The following CMC2 variants were observed in gnomAD, a reference collection of about 807,000 sequenced individuals.
CMC2 encodes the protein C-X9-C motif containing 2.
Under a neutral mutation model 7.5 loss-of-function variants are expected in CMC2, and 5 were observed. The observed-to-expected ratio is 0.66, with a 90% CI of 0.35 to 1.40. The LOEUF (loss-of-function observed/expected upper bound fraction) is 1.40. Among genes scored for constraint, CMC2 ranks in the 40% most tolerant of loss-of-function variants. The pLI is 0.04. For synonymous variants in CMC2, 37 were observed against 31.4 expected (o/e 1.18, Z -0.60); for missense variants, 115 against 92.3 (o/e 1.25, Z -1.01).
At position 80,966,870 on chromosome 16, in the gene CMC2, T is replaced by C. The variant is rs1019539867; in HGVS notation, c.*9223A>G. The C allele has an allele frequency of 1.3e-5, 2 of 149,936 alleles. No individual in the cohort carries two copies. The highest frequency in any genetic ancestry group is 5.0e-5 in the African/African-American group (2 of 39,720). The allele number at this position is 149,936 out of a possible 1,614,324, so 9.3% of individuals were successfully genotyped here. ...CATTCCTTTGTATAGATTCATGGTA[T>C]ACCTTTGTGTAAATGCATCATTGTT... On this transcript the variant is annotated 3_prime_UTR_variant, in exon 4 of 4. Transcript: ENST00000219400.
At chr16:81,005,298 G>C (rs1053945556) in intron 1 of CMC2, among the ~76,000 whole-genome samples, 3 of 152,134 alleles carry the variant, frequency 2.0e-5, no homozygotes, top group Admixed American at 6.5e-5. Context: ...TGTAACCCTA[G>C]CTACTCAGGA....
At chr16:80,990,107 C>CTT (rs36083108) in intron 2 of CMC2, among the ~76,000 whole-genome samples, 98,233 of 151,152 alleles carry the variant, frequency 0.65, 33,659 homozygotes, top group South Asian at 0.8. Flanking sequence ...ATTCCCTCCC[C>CTT]TTTTTTTGAG....
chr16:80,993,010 T>C (rs1968128530), intron 2 of CMC2, among the ~76,000 whole-genome samples: 1 of 152,186 alleles, frequency 6.6e-6, no homozygotes, highest in South Asian at 2.1e-4. Flanking sequence ...ACCTAGGTTA[T>C]ATAAGAATTT....
intron 2 of CMC2, chr16:80,996,982 A>C: frequency 2.2e-6 from 1 of 460,448 alleles, no homozygotes; most frequent in Non-Finnish European, 4.2e-6. Flanking sequence ...TTCCATTATA[A>C]TCAGAAGTGT....
At chr16:80,990,163 C>T (rs961640972) in intron 2 of CMC2, among the ~76,000 whole-genome samples, 1 of 150,606 alleles carries the variant, frequency 6.6e-6, no homozygotes, top group African/African-American at 2.5e-5. Flanking sequence ...TTATACAAAA[C>T]ATATAATTTT....
chr16:80,986,215 G>T (rs1967521628), intron 2 of CMC2, among the ~76,000 whole-genome samples: 1 of 152,094 alleles, frequency 6.6e-6, no homozygotes, highest in Non-Finnish European at 1.5e-5. Context: ...CAGGCATAAT[G>T]GCCTGGTACC....
At chr16:80,980,890 AG>A in intron 3 of CMC2, 1 of 696,508 alleles carries the variant, frequency 1.4e-6, no homozygotes, top group African/African-American at 1.8e-5. Context: ...CTGTCTCAAA[AG>A]AAAAAAGAAA....
At chr16:80,989,088 G>C (rs142667880) in intron 2 of CMC2, among the ~76,000 whole-genome samples, 16 of 152,102 alleles carry the variant, frequency 1.1e-4, no homozygotes, top group African/African-American at 3.9e-4. Context: ...TTATTACCTA[G>C]GTAAGAAGCT....
chr16:80,973,784 C>G lies in CMC2; in HGVS notation c.*2309G>C, dbSNP rs1912093739. 1.3e-5 allele frequency: 2 copies of G among 152,136 alleles called. No homozygotes were observed. The highest frequency in any genetic ancestry group is 2.9e-5 in the Non-Finnish European group (2 of 68,046). 9.4% of individuals were successfully genotyped at this position (152,136 alleles called of 1,614,324 possible). ...CTGGAAAGGTAGATCATTGCCATAG[C>G]CTTCAGTGTGTACTTTACTCTACAG... is the stretch of plus-strand genomic sequence containing the variant. On this transcript the variant is annotated 3_prime_UTR_variant, in exon 4 of 4. Coordinates refer to ENST00000219400, the MANE Select transcript of CMC2 (RefSeq NM_020188.5).
chr16:80,978,072 C>CAAAAAAAA (rs57080796), intron 3 of CMC2, among the ~76,000 whole-genome samples: 22,441 of 143,694 alleles, frequency 0.16, 2,045 homozygotes, highest in African/African-American at 0.28. Context: ...GACTTCGTCT[C>CAAAAAAAA]AAAAAAAAAG....
At chr16:81,005,023 T>C (rs1017163171) in intron 1 of CMC2, among the ~76,000 whole-genome samples, 2 of 152,250 alleles carry the variant, frequency 1.3e-5, no homozygotes, top group African/African-American at 4.8e-5. Flanking sequence ...CAGTTGTAAT[T>C]TCTAATGCTA....
At chr16:80,993,759 T>C (rs1421014060) in intron 2 of CMC2, among the ~76,000 whole-genome samples, 1 of 152,118 alleles carries the variant, frequency 6.6e-6, no homozygotes, top group Non-Finnish European at 1.5e-5. Flanking sequence ...TGCCTGCTGA[T>C]ACAAAAGATA....
chr16:80,981,862 A>G lies in CMC2; in HGVS notation c.97T>C (p.Phe33Leu), dbSNP rs761117497. 6.2e-7 allele frequency: 1 copy of G among 1,609,368 alleles called. No individual in the cohort carries two copies. The highest frequency in any genetic ancestry group is 1.1e-5 in the South Asian group (1 of 90,572). Residue 33 changes from phenylalanine to leucine, a missense_variant, in exon 3 of 4, where the codon TTT becomes CTT. Physicochemically the swap from Phe to Leu is conservative, Grantham distance 22. Transcript: ENST00000219400. ...TCAACATCATTACAATAACCAAAAA[A>G]TTTCAGAATGTTGTGCTAAAAGGAA... ...ECHKNHNILK[F>L]FGYCNDVDRE...
intron 1 of CMC2, among the ~76,000 whole-genome samples, chr16:81,005,953 G>A (rs1210549564): frequency 1.3e-5 from 2 of 152,190 alleles, no homozygotes; most frequent in Non-Finnish European, 2.9e-5. Context: ...AGGCCTCAAC[G>A]CAGTAGGAAA....
chr16:81,000,226 G>C (rs1001372498), intron 1 of CMC2, among the ~76,000 whole-genome samples: 5 of 152,110 alleles, frequency 3.3e-5, no homozygotes, highest in Non-Finnish European at 7.3e-5. Flanking sequence ...GGCTGGGCAC[G>C]GTAGCTCACA....
intron 1 of CMC2, among the ~76,000 whole-genome samples, chr16:80,999,278 C>A (rs919065575): frequency 7.2e-5 from 11 of 152,086 alleles, no homozygotes; most frequent in African/African-American, 2.7e-4. Flanking sequence ...TAAGGTTCAA[C>A]CTGAAAGCCA....
At chr16:80,993,621 G>A (rs1312537610) in intron 2 of CMC2, among the ~76,000 whole-genome samples, 1 of 152,148 alleles carries the variant, frequency 6.6e-6, no homozygotes, top group Non-Finnish European at 1.5e-5. Context: ...GTCCTTATAA[G>A]CCAAAGTAGA....
At chr16:80,993,570 C>G (rs192074893) in intron 2 of CMC2, among the ~76,000 whole-genome samples, 33 of 152,278 alleles carry the variant, frequency 2.2e-4, no homozygotes, top group Admixed American at 1.7e-3. Context: ...CAGCTACAAG[C>G]TGAAAAACGC....
At chr16:80,979,333 G>T (rs191520106) in intron 3 of CMC2, among the ~76,000 whole-genome samples, 19 of 152,112 alleles carry the variant, frequency 1.2e-4, no homozygotes, top group African/African-American at 4.6e-4. Flanking sequence ...GAAAACATGA[G>T]ATGTATAGGA....
Sources: allele counts gnomAD v4.1 joint callset (sites outside exome capture counted in the v4.1 genomes callset), GRCh38; gene constraint gnomAD v4.1.1; transcripts MANE v1.5; gene names NCBI Gene and HGNC (gene_info 2026-07-23, HGNC 2026-07-21).